The following MICAL2 variants were observed in gnomAD, a reference collection of about 807,000 sequenced individuals.
MICAL2 encodes microtubule associated monooxygenase, calponin and LIM domain containing 2.
In MICAL2, 77 loss-of-function variants were observed where a neutral mutation model predicts 127.3. The observed-to-expected ratio is 0.60, with a 90% confidence interval of 0.50 to 0.73. The LOEUF (loss-of-function observed/expected upper bound fraction) is 0.73, where lower values mean the gene tolerates loss of function less well. MICAL2 is among the 30% of genes least tolerant of loss of function. The pLI, the probability that MICAL2 is intolerant of heterozygous loss-of-function variation, is 0.00. For missense variants in MICAL2, 1,351 were observed against 1,434.4 expected (o/e 0.94, Z 0.94); for synonymous variants, 570 against 551.1 (o/e 1.03, Z -0.48).
intron 17 of MICAL2, 94 bp downstream of exon 17, chr11:12,239,679 G>T: frequency 1.4e-6 from 2 of 1,456,384 alleles, no homozygotes; most frequent in Non-Finnish European, 1.8e-6. Context: ...ATGCCAGCCA[G>T]GCCTGGTCCC....
intron 32 of MICAL2, among the ~76,000 whole-genome samples, chr11:12,343,406 T>TAA (rs57546290): frequency 0.015 from 1,617 of 110,076 alleles, 46 homozygotes; most frequent in African/African-American, 0.05. Flanking sequence ...TTCATCTCAT[T>TAA]AAAAAAAAAA....
At position 12,262,180 on chromosome 11, in the gene MICAL2, C is replaced by T. The variant is rs112975299; in HGVS notation, c.3335-300C>T. ...CCGAGGATGAATGCCTCTAGGCCTC[C>T]GCAACATATTCAAGAATGAATGGGA... On this transcript the variant is annotated intron_variant, in intron 26 of 27. Coordinates refer to ENST00000683283, the MANE Select transcript of MICAL2 (RefSeq NM_001282663.2). The T allele has an allele frequency of 4.1e-4, 529 of 1,275,426 alleles. 4 individuals are homozygous for T. The African/African-American group carries it at 7.0e-3, about 17-fold the overall frequency. The allele number at this position is 1,275,426 out of a possible 1,614,324, so 79.0% of individuals were successfully genotyped here. A position where few individuals can be genotyped will look rare whatever the true frequency, so the allele number is the denominator to read the frequency against.
intron 15 of MICAL2, among the ~76,000 whole-genome samples, chr11:12,228,449 C>T (rs1190718066): frequency 6.6e-6 from 1 of 152,196 alleles, no homozygotes; most frequent in Non-Finnish European, 1.5e-5. Flanking sequence ...AATTAATCAA[C>T]TCATTGAAAG....
intron 31 of MICAL2, among the ~76,000 whole-genome samples, chr11:12,326,608 A>G (rs1369640391): frequency 3.3e-5 from 5 of 152,172 alleles, no homozygotes; most frequent in Admixed American, 3.3e-4. Context: ...GCATCTGCCC[A>G]TGGTGCAATG....
chr11:12,143,910 A>G (rs930020819), intron 2 of MICAL2, among the ~76,000 whole-genome samples: 3 of 152,200 alleles, frequency 2.0e-5, no homozygotes, highest in Non-Finnish European at 4.4e-5. Context: ...TCAGATCATT[A>G]GAGTGGAAAG....
chr11:12,174,046 G>T (rs1478099321), intron 3 of MICAL2, among the ~76,000 whole-genome samples: 2 of 151,978 alleles, frequency 1.3e-5, no homozygotes, highest in Non-Finnish European at 2.9e-5. Context: ...CTAAATTTTA[G>T]TCAGAAATAC....
intron 32 of MICAL2, among the ~76,000 whole-genome samples, chr11:12,343,952 G>A (rs1045233432): frequency 7.2e-5 from 11 of 152,310 alleles, no homozygotes; most frequent in African/African-American, 1.7e-4. Flanking sequence ...TGTCTTGGAT[G>A]TAGCATTACT....
intron 3 of MICAL2, among the ~76,000 whole-genome samples, chr11:12,180,259 G>A (rs780583697): frequency 6.6e-5 from 10 of 152,024 alleles, no homozygotes; most frequent in Non-Finnish European, 1.3e-4. Context: ...AGGGGAGAAT[G>A]AGGGTTATAC....
chr11:12,358,115 C>T (rs1024236315), intron 34 of MICAL2, among the ~76,000 whole-genome samples: 2 of 152,060 alleles, frequency 1.3e-5, no homozygotes, highest in Non-Finnish European at 1.5e-5. Flanking sequence ...ACTGTTTCAC[C>T]GCACACACCT....
chr11:12,341,683 C>T (rs1471242117), intron 32 of MICAL2, among the ~76,000 whole-genome samples: 3 of 151,968 alleles, frequency 2.0e-5, no homozygotes, highest in South Asian at 2.1e-4. Flanking sequence ...AAAAATTAGC[C>T]GAGCATGGTG....
chr11:12,155,825 C>T (rs1854128299), intron 2 of MICAL2, among the ~76,000 whole-genome samples: 1 of 152,188 alleles, frequency 6.6e-6, no homozygotes, highest in East Asian at 1.9e-4. Context: ...TTCCTTCTGC[C>T]ATTCCAAGCA....
intron 6 of MICAL2, among the ~76,000 whole-genome samples, chr11:12,210,038 C>T (rs1006007315): frequency 4.6e-5 from 7 of 152,076 alleles, no homozygotes; most frequent in South Asian, 2.1e-4. Flanking sequence ...TAATGGTATT[C>T]GCTTACTTTC....
At chr11:12,119,605 C>G (rs1199862445) in intron 1 of MICAL2, among the ~76,000 whole-genome samples, 1 of 152,208 alleles carries the variant, frequency 6.6e-6, no homozygotes, top group Non-Finnish European at 1.5e-5. Flanking sequence ...CCACTTCTGC[C>G]CCTTCTTTCC....
chr11:12,185,296 G>A (rs1858084624), intron 3 of MICAL2, among the ~76,000 whole-genome samples: 1 of 151,932 alleles, frequency 6.6e-6, no homozygotes, highest in Non-Finnish European at 1.5e-5. Flanking sequence ...GATGCTGGAG[G>A]TAAAGCAGTA....
intron 32 of MICAL2, among the ~76,000 whole-genome samples, chr11:12,338,688 G>A (rs1166753378): frequency 6.6e-6 from 1 of 152,180 alleles, no homozygotes; most frequent in Admixed American, 6.5e-5. Flanking sequence ...TGTCTGTAAA[G>A]TATTTTATTT....
At chr11:12,325,132 CAG>C (rs1864340629) in intron 31 of MICAL2, among the ~76,000 whole-genome samples, 1 of 152,068 alleles carries the variant, frequency 6.6e-6, no homozygotes, top group Admixed American at 6.6e-5. Context: ...ATTTTTGAGA[CAG>C]AGTCTTGCTG....
chr11:12,164,707 G>C (rs953022511), intron 3 of MICAL2, among the ~76,000 whole-genome samples: 1 of 152,134 alleles, frequency 6.6e-6, no homozygotes, highest in Non-Finnish European at 1.5e-5. Flanking sequence ...ATTCTAATTG[G>C]CCCACTTCTG....
At chr11:12,287,614 C>A (rs1863841895), downstream of MICAL2, among the ~76,000 whole-genome samples, 1 of 152,148 alleles carries the variant, frequency 6.6e-6, no homozygotes, top group Non-Finnish European at 1.5e-5. Context: ...CACACACATG[C>A]ACACGCACAC....
intron 33 of MICAL2, among the ~76,000 whole-genome samples, chr11:12,352,389 T>C (rs753137891): frequency 1.3e-5 from 2 of 152,194 alleles, no homozygotes; most frequent in African/African-American, 2.4e-5. Flanking sequence ...CATAGCACAG[T>C]AGTGATAAGA....
Sources: gnomAD v4.1 joint callset for allele counts (sites outside exome capture counted in the v4.1 genomes callset) on GRCh38, gnomAD v4.1.1 for gene constraint, MANE v1.5 for transcripts, NCBI Gene and HGNC (gene_info 2026-07-23, HGNC 2026-07-21) for gene names.